ADGRG6: variants seen among roughly 807,000 people sequenced by gnomAD.
ADGRG6 encodes the protein G-protein coupled receptor 126.
In ADGRG6, 84 loss-of-function variants were observed where a neutral mutation model predicts 142.4. That is an observed-to-expected ratio of 0.59 (90% CI 0.49 to 0.71). The LOEUF (loss-of-function observed/expected upper bound fraction) is 0.71. Ranked by LOEUF, ADGRG6 falls within the 30% of genes least tolerant of loss-of-function variation. The probability of loss-of-function intolerance (pLI) is 0.00; values close to 1 mark genes in which losing one functional copy is unlikely to be tolerated. For synonymous variants in ADGRG6, 521 were observed against 520.5 expected (o/e 1.00, Z -0.01); for missense variants, 1,367 against 1,466.6 (o/e 0.93, Z 1.11).
intron 2 of ADGRG6, among the ~76,000 whole-genome samples, chr6:142,341,428 A>ATATATATAAT (rs1491313847): frequency 4.1e-5 from 5 of 120,910 alleles, no homozygotes; most frequent in African/African-American, 1.6e-4. Context: ...TAATTATATA[A>ATATATATAAT]TATATATAAT....
intron 2 of ADGRG6, among the ~76,000 whole-genome samples, chr6:142,320,872 A>G (rs577986314): frequency 1.3e-5 from 2 of 152,082 alleles, no homozygotes; most frequent in Non-Finnish European, 2.9e-5. Context: ...CTGTAAATAT[A>G]TATTAGAGCA....
At chr6:142,371,015 C>G (rs1781225088) in intron 4 of ADGRG6, 1 of 491,822 alleles carries the variant, frequency 2.0e-6, no homozygotes, top group Non-Finnish European at 3.6e-6. Flanking sequence ...CATGCTCCAT[C>G]AAGACATTTG....
At chr6:142,374,212 C>A (rs1781391181) in intron 4 of ADGRG6, among the ~76,000 whole-genome samples, 1 of 152,120 alleles carries the variant, frequency 6.6e-6, no homozygotes, top group Non-Finnish European at 1.5e-5. Flanking sequence ...GTCCGCTTTG[C>A]TGAACCACAT....
intron 2 of ADGRG6, among the ~76,000 whole-genome samples, chr6:142,311,154 A>C (rs1291729107): frequency 6.6e-6 from 1 of 151,908 alleles, no homozygotes; most frequent in African/African-American, 2.4e-5. Context: ...AGGGAAGAGA[A>C]TCACCTGGGG....
intron 2 of ADGRG6, among the ~76,000 whole-genome samples, chr6:142,346,525 G>T (rs1317172732): frequency 6.6e-6 from 1 of 151,792 alleles, no homozygotes; most frequent in Non-Finnish European, 1.5e-5. Flanking sequence ...ATTTTTCTGG[G>T]TATATACCCA....
intron 2 of ADGRG6, among the ~76,000 whole-genome samples, chr6:142,314,863 T>G (rs1323891525): frequency 6.6e-6 from 1 of 152,100 alleles, no homozygotes; most frequent in Non-Finnish European, 1.5e-5. Flanking sequence ...AACCTAGCTG[T>G]CCTTCAAATT....
At chr6:142,433,500 T>C (rs1173803402) in intron 22 of ADGRG6, among the ~76,000 whole-genome samples, 6 of 152,322 alleles carry the variant, frequency 3.9e-5, no homozygotes, top group African/African-American at 1.4e-4. Flanking sequence ...GATGAAATCC[T>C]AACCGAATGA....
intron 16 of ADGRG6, 50 bp downstream of exon 16, chr6:142,408,319 T>C: frequency 7.1e-7 from 1 of 1,403,904 alleles, no homozygotes; most frequent in Non-Finnish European, 9.6e-7. Context: ...CTATTTAATA[T>C]ACTAGTGGGG....
chr6:142,415,868 C>G lies in ADGRG6; in HGVS notation c.2742C>G (p.Leu914=). The change falls in exon 20 of 25, where the codon CTC becomes CTG. Residue 914 remains leucine (L), a synonymous_variant. Coordinates refer to ENST00000367609, the MANE Select transcript of ADGRG6 (RefSeq NM_198569.3). ...LSTALLFLNL[L]FLLDGWITSF... ...CAGCCCTGCTGTTCCTGAATCTCCT[C>G]TTCCTCCTAGATGGCTGGATCACCT... The G allele has an allele frequency of 1.2e-6, 2 of 1,612,594 alleles. No homozygotes were observed. The highest frequency in any genetic ancestry group is 1.7e-6 in the Non-Finnish European group (2 of 1,178,736).
At chr6:142,346,806 G>A (rs1316550306) in intron 2 of ADGRG6, among the ~76,000 whole-genome samples, 3 of 141,864 alleles carry the variant, frequency 2.1e-5, no homozygotes, top group Non-Finnish European at 3.1e-5. Flanking sequence ...GCTCTCACTC[G>A]TAAGTGGGAC....
In ADGRG6 at chr6:142,422,342, G is replaced by A. The variant is rs545544945; in HGVS notation, c.3319+2238G>A. Among the ~76,000 whole-genome samples, 113 of 152,070 alleles carry A rather than the reference G, an allele frequency of 7.4e-4. 2 individuals are homozygous for A. Among genetic ancestry groups the A allele is most frequent in the African/African-American group, 2.6e-3 (108 of 41,486 alleles). ...CCCCCACCCCACCACAGTCCCCAGAGTGTGATATTCCCCTTCCTGTGTCCA... is the reference window on the plus strand; with the variant it reads ...CCCCCACCCCACCACAGTCCCCAGAATGTGATATTCCCCTTCCTGTGTCCA... On this transcript the variant is annotated intron_variant, in intron 22 of 24. Transcript: ENST00000367609.
chr6:142,418,067 G>T (rs1295395036), intron 21 of ADGRG6, among the ~76,000 whole-genome samples: 1 of 151,962 alleles, frequency 6.6e-6, no homozygotes, highest in African/African-American at 2.4e-5. Flanking sequence ...GGCCGAGCTG[G>T]GTATATCACC....
chr6:142,341,817 C>T (rs770689396), intron 2 of ADGRG6, among the ~76,000 whole-genome samples: 8 of 150,578 alleles, frequency 5.3e-5, no homozygotes, highest in Non-Finnish European at 1.0e-4. Context: ...TATATGCTGT[C>T]TCATTCTGTA....
At position 142,405,829 on chromosome 6, in the gene ADGRG6, G is replaced by A; in HGVS notation, c.2268+1G>A. On this transcript the variant is annotated splice_donor_variant, in intron 15 of 24. Coordinates refer to ENST00000367609, the MANE Select transcript of ADGRG6 (RefSeq NM_198569.3). LOFTEE classifies it high-confidence loss of function. ...CTTCAACAAAACTGGACTTTTCCAGGTAAGCACATTCATTAAATTATTGTT... is the reference window on the plus strand; with the variant it reads ...CTTCAACAAAACTGGACTTTTCCAGATAAGCACATTCATTAAATTATTGTT... 6.3e-7 allele frequency: 1 copy of A among 1,578,094 alleles called. No individual in the cohort carries two copies. Among genetic ancestry groups the A allele is most frequent in the Non-Finnish European group, 8.6e-7 (1 of 1,164,376 alleles).
intron 14 of ADGRG6, among the ~76,000 whole-genome samples, chr6:142,404,928 T>G (rs1407402732): frequency 6.6e-6 from 1 of 151,990 alleles, no homozygotes; most frequent in African/African-American, 2.4e-5. Flanking sequence ...AGCAAAGAGT[T>G]TTCAAGTTCC....
intron 2 of ADGRG6, among the ~76,000 whole-genome samples, chr6:142,342,458 G>A (rs904294428): frequency 9.9e-5 from 15 of 152,154 alleles, no homozygotes; most frequent in Admixed American, 9.8e-4. Flanking sequence ...CTTTGAAAAT[G>A]AATTTTAGGA....
intron 22 of ADGRG6, among the ~76,000 whole-genome samples, chr6:142,429,352 G>A (rs1216473384): frequency 6.6e-6 from 1 of 152,140 alleles, no homozygotes; most frequent in Non-Finnish European, 1.5e-5. Flanking sequence ...TATTGAATTG[G>A]TGCCAAGGTA....
intron 2 of ADGRG6, among the ~76,000 whole-genome samples, chr6:142,323,892 C>T (rs985267842): frequency 6.6e-6 from 1 of 151,948 alleles, no homozygotes; most frequent in Non-Finnish European, 1.5e-5. Context: ...ATGGAGCTGC[C>T]CTATACAGGT....
chr6:142,431,432 A>T (rs1193540212), intron 22 of ADGRG6, among the ~76,000 whole-genome samples: 3 of 152,196 alleles, frequency 2.0e-5, no homozygotes, highest in African/African-American at 4.8e-5. Context: ...TTTCAGGATG[A>T]TGTAAAAGCT....
Sources: allele counts gnomAD v4.1 joint callset (sites outside exome capture counted in the v4.1 genomes callset), GRCh38; gene constraint gnomAD v4.1.1; transcripts MANE v1.5; gene names NCBI Gene and HGNC (gene_info 2026-07-23, HGNC 2026-07-21).